TK2: variants seen among roughly 807,000 people sequenced by gnomAD.
TK2 encodes thymidine kinase 2.
In TK2, 35 loss-of-function variants were observed where a neutral mutation model predicts 41.9. That is an observed-to-expected ratio of 0.84 (90% CI 0.64 to 1.11). The LOEUF (loss-of-function observed/expected upper bound fraction) is 1.11, where lower values mean the gene tolerates loss of function less well. Among genes scored for constraint, TK2 ranks in the 50% least tolerant of loss-of-function variants. The pLI is 0.00. For missense variants in TK2, 320 were observed against 351.1 expected (o/e 0.91, Z 0.71); for synonymous variants, 128 against 129.1 (o/e 0.99, Z 0.06).
chr16:66,550,058 G>C lies in TK2; in HGVS notation c.4C>G (p.Leu2Val). 1.9e-6 allele frequency: 3 copies of C among 1,581,044 alleles called. No individual in the cohort carries two copies. Among genetic ancestry groups the C allele is most frequent in the Non-Finnish European group, 2.6e-6 (3 of 1,165,254 alleles). The change falls in exon 1 of 10, where the codon CTG (leucine) becomes GTG (valine). Residue 2 changes from leucine to valine, a missense_variant. By Grantham distance (32) the Leu-to-Val change is conservative. Transcript: ENST00000544898. The part of the protein sequence containing the change: M[L>V]LWPLRGWAAR... ...GCCCAGCCCCGCAGCGGCCACAGCA[G>C]CATAGCCGGGCGAGCGGATCCAGAG...
chr16:66,533,665 G>A (rs934173602), intron 4 of TK2, among the ~76,000 whole-genome samples: 1 of 151,988 alleles, frequency 6.6e-6, no homozygotes, highest in African/African-American at 2.4e-5. Context: ...TCATGTGTTG[G>A]AAACTTAATC....
Position 66,511,736 on chromosome 16 carries a change from G to A in TK2, c.*232C>T. The A allele has an allele frequency of 1.7e-6, 1 of 595,644 alleles. No individual in the cohort carries two copies. The highest frequency in any genetic ancestry group is 3.0e-6 in the Non-Finnish European group (1 of 330,958). The allele number at this position is 595,644 out of a possible 1,614,324, so 36.9% of individuals were successfully genotyped here. A position where few individuals can be genotyped will look rare whatever the true frequency, so the allele number is the denominator to read the frequency against. On this transcript the variant is annotated 3_prime_UTR_variant, in exon 10 of 10. Transcript: ENST00000544898. ...GCCATGGGAGAGGCACCGGGGGAAT[G>A]TGAGGCTGCGAACAGCAAAGGGCTT...
At chr16:66,513,687 T>G in intron 9 of TK2, 44 bp downstream of exon 9, 1 of 1,584,256 alleles carries the variant, frequency 6.3e-7, no homozygotes, top group East Asian at 2.2e-5. Flanking sequence ...GGGTCACTCC[T>G]CTTTCTAGAA....
At position 66,549,545 on chromosome 16, in the gene TK2, G is replaced by C. The variant is rs571414335; in HGVS notation, c.124+393C>G. 1.6e-4 allele frequency: 166 copies of C among 1,051,974 alleles called. No individual in the cohort carries two copies. In the African/African-American group the frequency reaches 2.6e-3, roughly 17 times the overall value. 65.2% of individuals were successfully genotyped at this position (1,051,974 alleles called of 1,614,324 possible). A position where few individuals can be genotyped will look rare whatever the true frequency, so the allele number is the denominator to read the frequency against. ...CTCCCAGGGAGGGCAGGAGAGCGCC[G>C]GGGGCGTAACCCCCCTCCCCCACGC... is the stretch of plus-strand genomic sequence containing the variant. On this transcript the variant is annotated intron_variant, in intron 1 of 9. Coordinates refer to ENST00000544898, the MANE Select transcript of TK2 (RefSeq NM_004614.5).
intron 3 of TK2, among the ~76,000 whole-genome samples, chr16:66,539,023 G>T (rs1965371638): frequency 6.6e-6 from 1 of 152,184 alleles, no homozygotes; most frequent in Admixed American, 6.5e-5. Flanking sequence ...TCTTGTGAGG[G>T]TGAGATCATT....
At chr16:66,528,670 G>A (rs949557251) in intron 6 of TK2, among the ~76,000 whole-genome samples, 3 of 152,240 alleles carry the variant, frequency 2.0e-5, no homozygotes, top group Non-Finnish European at 4.4e-5. Flanking sequence ...CCCAGAAGGA[G>A]AGTGACAGGC....
chr16:66,534,199 G>A (rs527360583), intron 4 of TK2, among the ~76,000 whole-genome samples: 2 of 152,102 alleles, frequency 1.3e-5, no homozygotes, highest in East Asian at 3.9e-4. Context: ...ACTCTGAAGA[G>A]TCCCCACTAG....
Position 66,529,327 on chromosome 16 carries a change from G to A in TK2, c.376-260C>T, listed in dbSNP as rs9930576. ...GCTGCATGCATGGCCCAGCAATGCC[G>A]AGGCTGAGGGCTCATCAGCAGCTGC... On this transcript the variant is annotated intron_variant, in intron 5 of 9. Transcript: ENST00000544898. 0.056 allele frequency among the ~76,000 whole-genome samples: 8,502 copies of A among 152,236 alleles called. 783 individuals are homozygous for A. The highest frequency in any genetic ancestry group is 0.19 in the African/African-American group (8,003 of 41,502).
chr16:66,528,647 C>G (rs1965009124), intron 6 of TK2, among the ~76,000 whole-genome samples: 1 of 152,206 alleles, frequency 6.6e-6, no homozygotes, highest in Non-Finnish European at 1.5e-5. Context: ...GACACCTGGG[C>G]TGGTTTGCTG....
At chr16:66,541,830 T>A in intron 3 of TK2, 49 bp downstream of exon 3, 1 of 1,593,866 alleles carries the variant, frequency 6.3e-7, no homozygotes, top group Non-Finnish European at 8.6e-7. Context: ...CTATAAATTA[T>A]CCCATCAAGC....
intron 5 of TK2, among the ~76,000 whole-genome samples, chr16:66,530,385 C>T (rs1297265692): frequency 6.6e-6 from 1 of 152,186 alleles, no homozygotes; most frequent in Admixed American, 6.5e-5. Flanking sequence ...TCCACAGCCC[C>T]CTTTCTTCTA....
chr16:66,537,218 T>G (rs1333842441), intron 3 of TK2, among the ~76,000 whole-genome samples: 1 of 152,192 alleles, frequency 6.6e-6, no homozygotes, highest in Non-Finnish European at 1.5e-5. Context: ...CTCACATTAC[T>G]TCCAGAAATG....
At chr16:66,539,622 A>AGG (rs748758975) in intron 3 of TK2, among the ~76,000 whole-genome samples, 9,954 of 143,404 alleles carry the variant, frequency 0.069, 541 homozygotes, top group South Asian at 0.17. Context: ...AAAAAAAAAA[A>AGG]AAGGAAGAAA....
chr16:66,545,594 C>T (rs1461068665), intron 2 of TK2, among the ~76,000 whole-genome samples: 1 of 152,308 alleles, frequency 6.6e-6, no homozygotes, highest in African/African-American at 2.4e-5. Context: ...GAGGCCTAGA[C>T]AGGCGGATCA....
intron 3 of TK2, among the ~76,000 whole-genome samples, chr16:66,538,581 T>C (rs1451741428): frequency 1.3e-5 from 2 of 152,054 alleles, no homozygotes; most frequent in East Asian, 3.9e-4. Context: ...GACACAACAA[T>C]AGCAAAACCA....
At chr16:66,526,172 T>C (rs562260561) in intron 6 of TK2, among the ~76,000 whole-genome samples, 2 of 151,624 alleles carry the variant, frequency 1.3e-5, no homozygotes, top group South Asian at 4.2e-4. Flanking sequence ...GGTTTGGGGG[T>C]AGGATTGGGG....
chr16:66,545,808 A>G (rs1279084925), intron 2 of TK2, among the ~76,000 whole-genome samples: 1 of 151,898 alleles, frequency 6.6e-6, no homozygotes, highest in Non-Finnish European at 1.5e-5. Context: ...TGGGCAACAG[A>G]GAGAAACTCC....
At chr16:66,528,425 T>C (rs1965002363) in intron 6 of TK2, among the ~76,000 whole-genome samples, 1 of 152,216 alleles carries the variant, frequency 6.6e-6, no homozygotes, top group African/African-American at 2.4e-5. Context: ...CGACGCACAC[T>C]GTGCGTCTGA....
intron 3 of TK2, among the ~76,000 whole-genome samples, chr16:66,537,225 A>T (rs1450324006): frequency 1.3e-5 from 2 of 152,176 alleles, no homozygotes; most frequent in African/African-American, 4.8e-5. Context: ...TACTTCCAGA[A>T]ATGTCCTGAG....
Sources: allele counts gnomAD v4.1 joint callset (sites outside exome capture counted in the v4.1 genomes callset), GRCh38; gene constraint gnomAD v4.1.1; transcripts MANE v1.5; gene names NCBI Gene and HGNC (gene_info 2026-07-23, HGNC 2026-07-21).